The following CSMD1 variants were observed in gnomAD, a reference collection of about 807,000 sequenced individuals.
The protein encoded by CSMD1 is CUB and sushi domain-containing protein 1.
In CSMD1, 213 loss-of-function variants were observed where a neutral mutation model predicts 417.5. That is an observed-to-expected ratio of 0.51 (90% CI 0.46 to 0.57). The LOEUF (loss-of-function observed/expected upper bound fraction) is 0.57, where lower values mean the gene tolerates loss of function less well. CSMD1 is among the 20% of genes least tolerant of loss of function. The pLI is 0.00. For missense variants in CSMD1, 6,923 were observed against 4,529.7 expected (o/e 1.53, Z -15.17); for synonymous variants, 2,862 against 1,736.8 (o/e 1.65, Z -16.11).
chr8:3,766,622 T>C (rs997521189), intron 5 of CSMD1, among the ~76,000 whole-genome samples: 1 of 152,090 alleles, frequency 6.6e-6, no homozygotes, highest in South Asian at 2.1e-4. Context: ...ATCTCTATAA[T>C]AAATTCCACG....
At chr8:3,842,695 A>G (rs950580681) in intron 5 of CSMD1, among the ~76,000 whole-genome samples, 1 of 152,170 alleles carries the variant, frequency 6.6e-6, no homozygotes, top group Non-Finnish European at 1.5e-5. Flanking sequence ...AACTAAAACC[A>G]AACTAATGAG....
chr8:4,119,050 A>G (rs1030315046), intron 3 of CSMD1, among the ~76,000 whole-genome samples: 1 of 152,152 alleles, frequency 6.6e-6, no homozygotes, highest in African/African-American at 2.4e-5. Flanking sequence ...ATGAGAACAC[A>G]CGGACACAGG....
intron 1 of CSMD1, among the ~76,000 whole-genome samples, chr8:4,783,485 G>A (rs961488798): frequency 2.6e-5 from 4 of 152,152 alleles, no homozygotes; most frequent in East Asian, 3.8e-4. Context: ...AGATTAAACC[G>A]GAAGTATTGT....
At chr8:4,942,068 C>T (rs1039029295) in intron 1 of CSMD1, among the ~76,000 whole-genome samples, 2 of 152,170 alleles carry the variant, frequency 1.3e-5, no homozygotes, top group Admixed American at 6.5e-5. Flanking sequence ...CTTTAAGAAT[C>T]TCTCTTCACT....
intron 3 of CSMD1, among the ~76,000 whole-genome samples, chr8:4,357,758 A>G (rs895274885): frequency 6.6e-6 from 1 of 152,200 alleles, no homozygotes; most frequent in Non-Finnish European, 1.5e-5. Context: ...GTATATTGTA[A>G]AAGAAAAATG....
chr8:4,285,249 C>A (rs1475230129), intron 3 of CSMD1, among the ~76,000 whole-genome samples: 1 of 152,136 alleles, frequency 6.6e-6, no homozygotes, highest in African/African-American at 2.4e-5. Flanking sequence ...ATACAGCAGG[C>A]CGACTGTAGC....
intron 12 of CSMD1, among the ~76,000 whole-genome samples, chr8:3,438,493 A>G (rs1239512176): frequency 6.6e-6 from 1 of 152,198 alleles, no homozygotes; most frequent in Non-Finnish European, 1.5e-5. Flanking sequence ...AGAATGTTGT[A>G]GAAATGCATG....
chr8:3,566,523 C>G (rs1353478619), intron 10 of CSMD1, among the ~76,000 whole-genome samples: 5 of 133,372 alleles, frequency 3.7e-5, no homozygotes, highest in South Asian at 4.9e-4. Flanking sequence ...GTACACCCAA[C>G]CCACCTCACC....
At chr8:3,119,495 A>C (rs1368553459) in intron 41 of CSMD1, among the ~76,000 whole-genome samples, 1 of 148,574 alleles carries the variant, frequency 6.7e-6, no homozygotes, top group African/African-American at 2.4e-5. Context: ...TTCAGTCTTT[A>C]TGTTCCCTAG....
At chr8:3,605,233 A>C (rs1584950358) in intron 8 of CSMD1, among the ~76,000 whole-genome samples, 1 of 152,096 alleles carries the variant, frequency 6.6e-6, no homozygotes, top group South Asian at 2.1e-4. Flanking sequence ...CTTGTGATCC[A>C]CCCGCCTCGG....
Position 3,219,262 on chromosome 8 carries a change from T to C in CSMD1, c.4665A>G (p.Glu1555=), listed in dbSNP as rs1447454332. The change falls in exon 29 of 70, where the codon GAA becomes GAG. Residue 1555 remains glutamate (E), a synonymous_variant. Transcript: ENST00000635120. ...ASVGLSGFAI[E]FKEKPREACF... The stretch of plus-strand genomic sequence containing the variant: ...TTCAGGCAATCGCAATACCTTTAAA[T>C]TCAATGGCGAACCCTGAAAGGCCCA... The C allele has an allele frequency of 1.3e-6, 2 of 1,590,114 alleles. No homozygotes were observed. Among genetic ancestry groups the C allele is most frequent in the South Asian group, 1.1e-5 (1 of 87,536 alleles).
chr8:4,665,173 G>A (rs1210517916), intron 1 of CSMD1, among the ~76,000 whole-genome samples: 2 of 151,928 alleles, frequency 1.3e-5, no homozygotes, highest in Non-Finnish European at 2.9e-5. Flanking sequence ...GGTCTTTTCT[G>A]TTTGTCCATT....
intron 5 of CSMD1, among the ~76,000 whole-genome samples, chr8:3,861,635 G>A (rs1804716220): frequency 6.6e-6 from 1 of 152,196 alleles, no homozygotes; most frequent in African/African-American, 2.4e-5. Context: ...GAAGCTTGTT[G>A]TCTTGGAGAT....
intron 10 of CSMD1, among the ~76,000 whole-genome samples, chr8:3,555,408 C>A (rs1048463985): frequency 3.9e-5 from 6 of 151,970 alleles, no homozygotes; most frequent in African/African-American, 1.4e-4. Flanking sequence ...CCAAATCATC[C>A]CACCTGCTCT....
intron 50 of CSMD1, among the ~76,000 whole-genome samples, chr8:3,037,290 C>T (rs1007669955): frequency 4.1e-5 from 6 of 147,948 alleles, no homozygotes; most frequent in Non-Finnish European, 9.0e-5. Flanking sequence ...ACTGCAAGCT[C>T]CGCCTCCTGG....
At chr8:4,460,863 C>G (rs977071213) in intron 2 of CSMD1, among the ~76,000 whole-genome samples, 4 of 152,100 alleles carry the variant, frequency 2.6e-5, no homozygotes, top group Non-Finnish European at 4.4e-5. Context: ...GAATTATTGT[C>G]AGTCTTTAAT....
chr8:3,365,827 G>A (rs761233253), intron 20 of CSMD1, among the ~76,000 whole-genome samples: 1 of 152,174 alleles, frequency 6.6e-6, no homozygotes, highest in Non-Finnish European at 1.5e-5. Context: ...ATAATACAAG[G>A]ATTAGGGGTG....
At chr8:3,942,939 C>T (rs775123302) in intron 5 of CSMD1, among the ~76,000 whole-genome samples, 6 of 152,048 alleles carry the variant, frequency 3.9e-5, no homozygotes, top group South Asian at 2.1e-4. Flanking sequence ...AATACTGGCA[C>T]GACAACACAG....
intron 3 of CSMD1, among the ~76,000 whole-genome samples, chr8:4,059,881 C>T (rs539660992): frequency 7.6e-4 from 115 of 151,048 alleles, no homozygotes; most frequent in African/African-American, 2.8e-3. Flanking sequence ...GGAACTGGTA[C>T]CATTCCTTCT....
Sources: allele counts gnomAD v4.1 joint callset (sites outside exome capture counted in the v4.1 genomes callset), GRCh38; gene constraint gnomAD v4.1.1; transcripts MANE v1.5; gene names NCBI Gene and HGNC (gene_info 2026-07-23, HGNC 2026-07-21).